EFCAB5: variants seen among roughly 807,000 people sequenced by gnomAD.
EFCAB5 encodes the protein EF-hand calcium binding domain 5.
In EFCAB5, 131 loss-of-function variants were observed where a neutral mutation model predicts 167.9. The observed-to-expected ratio is 0.78, with a 90% CI of 0.68 to 0.90. The LOEUF (loss-of-function observed/expected upper bound fraction) is 0.90, where lower values mean the gene tolerates loss of function less well. Ranked by LOEUF, EFCAB5 falls within the 40% of genes least tolerant of loss-of-function variation. The pLI is 0.00. For missense variants in EFCAB5, 1,663 were observed against 1,745.2 expected, an observed-to-expected ratio of 0.95 and a Z score of 0.84; for synonymous variants, 574 against 602.8, an observed-to-expected ratio of 0.95 and a Z score of 0.70.
At chr17:30,009,338 G>A (rs541666590) in intron 7 of EFCAB5, among the ~76,000 whole-genome samples, 11 of 152,046 alleles carry the variant, frequency 7.2e-5, no homozygotes, top group Non-Finnish European at 1.6e-4. Flanking sequence ...ATCCATTTTA[G>A]AACATTTTCA....
intron 4 of EFCAB5, among the ~76,000 whole-genome samples, chr17:29,976,075 A>G (rs1226643317): frequency 6.6e-6 from 1 of 152,192 alleles, no homozygotes; most frequent in East Asian, 1.9e-4. Flanking sequence ...CTGTATTTAG[A>G]TCTATTTCCA....
At chr17:30,011,847 C>T (rs1445629978) in intron 7 of EFCAB5, among the ~76,000 whole-genome samples, 1 of 152,030 alleles carries the variant, frequency 6.6e-6, no homozygotes, top group Non-Finnish European at 1.5e-5. Context: ...CGAGCTGTTC[C>T]AGTATAATAA....
intron 1 of EFCAB5, among the ~76,000 whole-genome samples, chr17:29,931,160 AAG>A (rs753311870): frequency 2.0e-5 from 3 of 152,246 alleles, no homozygotes; most frequent in Non-Finnish European, 4.4e-5. Context: ...TACACAAAGA[AAG>A]AGAGTTGACA....
intron 14 of EFCAB5, among the ~76,000 whole-genome samples, chr17:30,075,718 C>T (rs1170166454): frequency 6.6e-6 from 1 of 152,074 alleles, no homozygotes; most frequent in Non-Finnish European, 1.5e-5. Flanking sequence ...TGGATACCCT[C>T]CTCGCTCTGC....
intron 4 of EFCAB5, among the ~76,000 whole-genome samples, chr17:29,984,250 G>A (rs867805754): frequency 2.0e-5 from 3 of 151,378 alleles, no homozygotes; most frequent in Non-Finnish European, 4.4e-5. Flanking sequence ...AGATGAGGGG[G>A]AAAGGAAAAA....
In EFCAB5 at chr17:29,968,906, T is replaced by C. The variant is rs1356276579; in HGVS notation, c.306T>C (p.Asp102=). Reference sequence around the variant, plus strand: ...CTGCAAAAGTGATTTTTGCTTTAGATGAAACTGAACTGAAATCAAAGCCAG... The same window carrying C: ...CTGCAAAAGTGATTTTTGCTTTAGACGAAACTGAACTGAAATCAAAGCCAG... ...RKSAKVIFAL[D]ETELKSKPEH... is the part of the protein sequence containing the mutation. The change falls in exon 4 of 23, where the codon GAT becomes GAC. Residue 102 remains aspartate (D), a synonymous_variant. Coordinates refer to ENST00000394835, the MANE Select transcript of EFCAB5 (RefSeq NM_198529.4). 3 of 1,575,024 alleles carry C rather than the reference T, an allele frequency of 1.9e-6. No homozygotes were observed. Among genetic ancestry groups the C allele is most frequent in the Non-Finnish European group, 2.6e-6 (3 of 1,159,402 alleles).
At chr17:30,007,766 C>T (rs755665021) in intron 7 of EFCAB5, among the ~76,000 whole-genome samples, 11 of 152,182 alleles carry the variant, frequency 7.2e-5, no homozygotes, top group Non-Finnish European at 1.3e-4. Context: ...GCTGGAGGAT[C>T]GCTTGAGCCT....
intron 14 of EFCAB5, among the ~76,000 whole-genome samples, chr17:30,067,605 T>C (rs192053233): frequency 1.3e-5 from 2 of 152,258 alleles, no homozygotes; most frequent in Non-Finnish European, 2.9e-5. Flanking sequence ...TCTCAATAGA[T>C]GCAGGAAAAG....
chr17:30,085,634 C>T (rs1350827719), intron 18 of EFCAB5, among the ~76,000 whole-genome samples: 3 of 150,648 alleles, frequency 2.0e-5, no homozygotes, highest in Non-Finnish European at 2.9e-5. Flanking sequence ...AGGAGAATGG[C>T]GTGAACCCGG....
intron 3 of EFCAB5, among the ~76,000 whole-genome samples, chr17:29,944,646 G>A (rs868217921): frequency 2.1e-5 from 3 of 142,200 alleles, no homozygotes; most frequent in Non-Finnish European, 3.0e-5. Context: ...TTTTTGAGAC[G>A]AAGTTTTGCG....
At chr17:30,104,516 T>G (rs2071421272) in intron 22 of EFCAB5, among the ~76,000 whole-genome samples, 1 of 151,428 alleles carries the variant, frequency 6.6e-6, no homozygotes, top group Non-Finnish European at 1.5e-5. Context: ...TTAGATATAT[T>G]CAAATAATTT....
At chr17:30,065,815 A>G (rs1467335819) in intron 14 of EFCAB5, 1 of 152,238 alleles carries the variant, frequency 6.6e-6, no homozygotes, top group African/African-American at 2.4e-5. Flanking sequence ...GAGTAGCTAT[A>G]CTTAGACAAA....
chr17:30,058,575 T>A (rs949108255), intron 13 of EFCAB5, among the ~76,000 whole-genome samples: 1 of 152,182 alleles, frequency 6.6e-6, no homozygotes, highest in Non-Finnish European at 1.5e-5. Flanking sequence ...CTAATATAAT[T>A]AACCTAGTGA....
chr17:29,990,584 G>A (rs1000697086), intron 4 of EFCAB5, among the ~76,000 whole-genome samples: 2 of 152,060 alleles, frequency 1.3e-5, no homozygotes, highest in South Asian at 2.1e-4. Context: ...ATCCCCACTG[G>A]CAACAAATGA....
At chr17:29,933,193 C>T (rs989101539) in intron 1 of EFCAB5, among the ~76,000 whole-genome samples, 1 of 152,066 alleles carries the variant, frequency 6.6e-6, no homozygotes, top group East Asian at 1.9e-4. Context: ...CTCGGCTAGG[C>T]GCGAAAGGAG....
chr17:29,962,117 G>C (rs1021768024), intron 3 of EFCAB5, among the ~76,000 whole-genome samples: 1 of 152,148 alleles, frequency 6.6e-6, no homozygotes, highest in Non-Finnish European at 1.5e-5. Flanking sequence ...TGGGTAGTGT[G>C]AATCCTTCAA....
rs141005337 is a variant in EFCAB5 at position 29,992,472 on chromosome 17, C to T, written c.768-693C>T. ...ACACCATTCTCCTGCCTCAGCCTTA[C>T]GAGTAGCTGGGACTACAGGCGCATG... On this transcript the variant is annotated intron_variant, in intron 4 of 22. Transcript: ENST00000394835. 4.1e-3 allele frequency among the ~76,000 whole-genome samples: 619 copies of T among 152,256 alleles called. 4 individuals carry two copies. The highest frequency in any genetic ancestry group is 5.2e-3 in the African/African-American group (218 of 41,538).
intron 4 of EFCAB5, among the ~76,000 whole-genome samples, chr17:29,979,222 C>T (rs1001763946): frequency 2.0e-5 from 3 of 152,072 alleles, no homozygotes; most frequent in African/African-American, 7.2e-5. Context: ...TGGTGGCACA[C>T]ACCTGTAGTC....
chr17:30,002,820 G>A (rs1304467293), intron 7 of EFCAB5, among the ~76,000 whole-genome samples: 2 of 152,100 alleles, frequency 1.3e-5, no homozygotes, highest in East Asian at 1.9e-4. Flanking sequence ...ATTCCTGAAT[G>A]ATAATTTCAC....
Sources: allele counts gnomAD v4.1 joint callset (sites outside exome capture counted in the v4.1 genomes callset), GRCh38; gene constraint gnomAD v4.1.1; transcripts MANE v1.5; gene names NCBI Gene and HGNC (gene_info 2026-07-23, HGNC 2026-07-21).